DYNC2H1: variants seen among roughly 807,000 people sequenced by gnomAD.
DYNC2H1 encodes dynein cytoplasmic 2 heavy chain 1.
DYNC2H1 carries 410 observed loss-of-function variants against 570.0 expected under a neutral mutation model. That is an observed-to-expected ratio of 0.72 (90% CI 0.66 to 0.78). DYNC2H1 has a LOEUF of 0.78. Among genes scored for constraint, DYNC2H1 ranks in the 30% least tolerant of loss-of-function variants. DYNC2H1 has a pLI of 0.00. For synonymous variants in DYNC2H1, 1,688 were observed against 1,677.6 expected, an observed-to-expected ratio of 1.01 and a Z score of -0.15; for missense variants, 4,865 against 5,046.4, an observed-to-expected ratio of 0.96 and a Z score of 1.09.
At chr11:103,168,350 T>TC (rs1861423534) in intron 31 of DYNC2H1, among the ~76,000 whole-genome samples, 1 of 152,150 alleles carries the variant, frequency 6.6e-6, no homozygotes, top group Non-Finnish European at 1.5e-5. Flanking sequence ...CAATGGTAAA[T>TC]CCACCACTGG....
Position 103,332,143 on chromosome 11 carries a change from CTA to C in DYNC2H1, c.12039+8156_12039+8157del, listed in dbSNP as rs1938839443. 2.0e-5 allele frequency among the ~76,000 whole-genome samples: 3 copies of C among 150,778 alleles called. No homozygotes were observed. The South Asian group carries it at 6.3e-4, about 32-fold the overall frequency. Reference sequence around the variant, plus strand: ...TTTAATTTTAGCAGAGATATGGAAACTATAAGAATTAATAAAATGAAAGTGCT... The same window carrying C: ...TTTAATTTTAGCAGAGATATGGAAACTAAGAATTAATAAAATGAAAGTGCT... On this transcript the variant is annotated intron_variant, in intron 82 of 88. Coordinates refer to ENST00000375735, the MANE Select transcript of DYNC2H1 (RefSeq NM_001377.3).
At chr11:103,429,234 C>G (rs998238003) in intron 84 of DYNC2H1, among the ~76,000 whole-genome samples, 4 of 150,160 alleles carry the variant, frequency 2.7e-5, no homozygotes, top group Admixed American at 6.7e-5. Context: ...GTACTCCAGC[C>G]TGGGTGACAG....
At chr11:103,260,488 T>C (rs1181281243) in intron 70 of DYNC2H1, among the ~76,000 whole-genome samples, 3 of 152,086 alleles carry the variant, frequency 2.0e-5, no homozygotes, top group South Asian at 2.1e-4. Context: ...AGTAAACTAG[T>C]GTTTGATCCT....
In DYNC2H1 at chr11:103,201,520, C is replaced by T. The variant is rs569592756; in HGVS notation, c.8197+1366C>T. 3.5e-4 allele frequency among the ~76,000 whole-genome samples: 54 copies of T among 152,200 alleles called. 2 individuals carry two copies. The highest frequency in any genetic ancestry group is 6.8e-4 in the Non-Finnish European group (46 of 67,998). On this transcript the variant is annotated intron_variant, in intron 50 of 88. Coordinates refer to ENST00000375735, the MANE Select transcript of DYNC2H1 (RefSeq NM_001377.3). This position sits in a 1 kb window ranked among gnomAD's most constrained non-coding sequence, Gnocchi z 4.8. ...CAACAACAACAACAACAACTAAAAACGAATTCTTTGCTACTACCCTAAATC... is the reference window on the plus strand; with the variant it reads ...CAACAACAACAACAACAACTAAAAATGAATTCTTTGCTACTACCCTAAATC...
intron 10 of DYNC2H1, among the ~76,000 whole-genome samples, chr11:103,122,443 G>A (rs1858769292): frequency 6.6e-6 from 1 of 152,156 alleles, no homozygotes; most frequent in African/African-American, 2.4e-5. Context: ...TACTATTTGT[G>A]CTTTTAATCG....
chr11:103,401,129 T>C (rs1347640140), intron 84 of DYNC2H1, among the ~76,000 whole-genome samples: 2 of 152,214 alleles, frequency 1.3e-5, no homozygotes, highest in Admixed American at 6.5e-5. Context: ...AGTGACATAC[T>C]GTTGTCTCCA....
At chr11:103,117,255 A>G (rs1858452713) in intron 5 of DYNC2H1, among the ~76,000 whole-genome samples, 1 of 146,700 alleles carries the variant, frequency 6.8e-6, no homozygotes, top group East Asian at 2.0e-4. Flanking sequence ...TAATATATAT[A>G]TTTTATATAT....
intron 59 of DYNC2H1, among the ~76,000 whole-genome samples, chr11:103,225,013 A>G (rs1863748311): frequency 1.3e-5 from 2 of 152,038 alleles, no homozygotes; most frequent in South Asian, 4.1e-4. Flanking sequence ...GATGTTGAGC[A>G]TTTTTCCATA....
chr11:103,465,325 G>A lies in DYNC2H1; in HGVS notation c.12649-3264G>A, dbSNP rs1042524679. 9.9e-5 allele frequency among the ~76,000 whole-genome samples: 15 copies of A among 152,016 alleles called. No homozygotes were observed. Among genetic ancestry groups the A allele is most frequent in the Non-Finnish European group, 2.2e-4 (15 of 67,978 alleles). On this transcript the variant is annotated intron_variant, in intron 87 of 88. Transcript: ENST00000375735. The surrounding 1 kb of genome is among the most constrained non-coding windows in gnomAD (Gnocchi z 4.9). ...TAATTTGAGAAGTGGAAAAATACAA[G>A]AAAGAAGAACTTAATGGTGAAAATG...
intron 84 of DYNC2H1, among the ~76,000 whole-genome samples, chr11:103,426,418 A>G (rs951855250): frequency 6.6e-6 from 1 of 152,224 alleles, no homozygotes; most frequent in Non-Finnish European, 1.5e-5. Flanking sequence ...GTGTATTAAC[A>G]TACTAGCAAT....
chr11:103,136,626 T>C (rs1449194080), intron 17 of DYNC2H1, among the ~76,000 whole-genome samples: 1 of 152,218 alleles, frequency 6.6e-6, no homozygotes, highest in Non-Finnish European at 1.5e-5. Context: ...AGTCTATCAT[T>C]GTTGGACATT....
chr11:103,477,100 G>T (rs540708657), intron 88 of DYNC2H1, among the ~76,000 whole-genome samples: 1 of 152,100 alleles, frequency 6.6e-6, no homozygotes, highest in Non-Finnish European at 1.5e-5. Flanking sequence ...CTGATGTTCG[G>T]AGAGTAACCT....
At chr11:103,296,208 C>A (rs1351146863) in intron 75 of DYNC2H1, among the ~76,000 whole-genome samples, 1 of 152,084 alleles carries the variant, frequency 6.6e-6, no homozygotes, top group Non-Finnish European at 1.5e-5. Context: ...AAGGTATTTT[C>A]TTGCATGGAT....
intron 43 of DYNC2H1, 89 bp downstream of exon 43, chr11:103,187,675 G>C: frequency 2.0e-6 from 3 of 1,478,702 alleles, no homozygotes; most frequent in Non-Finnish European, 2.7e-6. Flanking sequence ...TCTTCATTTG[G>C]GGCCAGTTTT....
rs1407651015 is a variant in DYNC2H1 at position 103,199,267 on chromosome 11, A to AT, written c.7883dup (p.Leu2628PhefsTer12). The AT allele has an allele frequency of 6.2e-7, 1 of 1,607,354 alleles. No individual in the cohort carries two copies. Among genetic ancestry groups the AT allele is most frequent in the Non-Finnish European group, 8.5e-7 (1 of 1,177,334 alleles). On this transcript the variant is annotated frameshift_variant, in exon 49 of 89. Transcript: ENST00000375735. LOFTEE classifies it high-confidence loss of function. This position sits in a 1 kb window ranked among gnomAD's most constrained non-coding sequence, Gnocchi z 4.6. ...TGGACGAGATAACCAGAATTTAGAC[A>AT]TTTTACTTTTCCACGAAGTCTTGGA... is the stretch of plus-strand genomic sequence containing the variant.
intron 75 of DYNC2H1, among the ~76,000 whole-genome samples, chr11:103,298,262 A>T (rs1866915708): frequency 6.6e-6 from 1 of 152,030 alleles, no homozygotes; most frequent in Non-Finnish European, 1.5e-5. Context: ...GAACCTTTGC[A>T]CTTGCTGTTC....
chr11:103,424,898 C>T (rs531877819), intron 84 of DYNC2H1, among the ~76,000 whole-genome samples: 1 of 152,124 alleles, frequency 6.6e-6, no homozygotes, highest in African/African-American at 2.4e-5. Context: ...GGTATTTCTT[C>T]TGTCTTATAT....
chr11:103,372,436 T>A (rs1941207750), intron 83 of DYNC2H1, among the ~76,000 whole-genome samples: 1 of 152,182 alleles, frequency 6.6e-6, no homozygotes, highest in Non-Finnish European at 1.5e-5. Context: ...AGTTTTTTTG[T>A]CAGGAAGAGA....
intron 86 of DYNC2H1, 138 bp downstream of exon 86, chr11:103,455,433 T>C (rs1944754344): frequency 1.4e-6 from 1 of 689,770 alleles, no homozygotes; most frequent in Non-Finnish European, 2.5e-6. Context: ...TCTTATTCTC[T>C]ACTTTAAATC....
Sources: allele counts gnomAD v4.1 joint callset (sites outside exome capture counted in the v4.1 genomes callset), GRCh38; gene constraint gnomAD v4.1.1; non-coding constraint Gnocchi (gnomAD v3.1); transcripts MANE v1.5; gene names NCBI Gene and HGNC (gene_info 2026-07-23, HGNC 2026-07-21).